Variants in ANK2 observed in about 807,000 individuals in gnomAD.
ANK2 encodes the protein ankyrin-2.
A neutral mutation model predicts 360.5 loss-of-function variants in ANK2; 83 were observed. The observed-to-expected ratio is 0.23, with a 90% CI of 0.19 to 0.28. ANK2 has a LOEUF of 0.28. ANK2 is among the 10% of genes least tolerant of loss of function. The probability of loss-of-function intolerance (pLI) is 1.00; values close to 1 mark genes in which losing one functional copy is unlikely to be tolerated. For synonymous variants in ANK2, 1,740 were observed against 1,759.5 expected (o/e 0.99, Z 0.28); for missense variants, 4,201 against 4,795.7 (o/e 0.88, Z 3.66).
Position 113,341,550 on chromosome 4 carries a change from C to T in ANK2, c.3894-138C>T, listed in dbSNP as rs540664334. On this transcript the variant is annotated intron_variant, in intron 32 of 45. Coordinates refer to ENST00000357077, the MANE Select transcript of ANK2 (RefSeq NM_001148.6). Reference sequence around the variant, plus strand: ...CTTGCTATTTCTTTCCTTTGGCCTTCTCTCATTATCTCCCTCTCTCACTTC... The same window carrying T: ...CTTGCTATTTCTTTCCTTTGGCCTTTTCTCATTATCTCCCTCTCTCACTTC... The T allele has an allele frequency of 1.7e-4, 142 of 819,394 alleles. 2 individuals are homozygous for T. The East Asian group carries it at 3.7e-3, about 22-fold the overall frequency. 50.8% of individuals were successfully genotyped at this position (819,394 alleles called of 1,614,324 possible). A position where few individuals can be genotyped will look rare whatever the true frequency, so the allele number is the denominator to read the frequency against.
chr4:113,042,857 C>G (rs1480232303), intron 2 of ANK2, among the ~76,000 whole-genome samples: 1 of 152,198 alleles, frequency 6.6e-6, no homozygotes, highest in Non-Finnish European at 1.5e-5. Context: ...AAGCCACTTT[C>G]TCTCAGAGAC....
chr4:112,740,816 C>A, the ANK2 span, among the ~76,000 whole-genome samples: 1 of 151,972 alleles, frequency 6.6e-6, no homozygotes, highest in Non-Finnish European at 1.5e-5. Flanking sequence ...ACGGTGAAAC[C>A]CCATCTCTAC....
At chr4:113,114,937 AG>A (rs1446181264) in intron 1 of ANK2, among the ~76,000 whole-genome samples, 1 of 152,212 alleles carries the variant, frequency 6.6e-6, no homozygotes, top group Non-Finnish European at 1.5e-5. Context: ...CATGCTATTA[AG>A]CTAAATGGAC....
At position 113,354,805 on chromosome 4, in the gene ANK2, G is replaced by A; in HGVS notation, c.6187G>A (p.Glu2063Lys). ...GQRLPVTGTA[E>K]SKRGVRVSSI... ...GAGACTCCCGGTAACGGGCACAGCAGAATCCAAAAGAGGAGTTCGTGTTTC... is the reference window on the plus strand; with the variant it reads ...GAGACTCCCGGTAACGGGCACAGCAAAATCCAAAAGAGGAGTTCGTGTTTC... The change falls in exon 38 of 46, where the codon GAA (glutamate) becomes AAA (lysine). Residue 2063 changes from glutamate (E) to lysine (K), a missense_variant. This residue lies in a region of ANK2 where 2,642 missense variants were observed against 2,714.5 expected (regional missense o/e 0.97). Transcript: ENST00000357077. 6.2e-7 allele frequency: 1 copy of A among 1,614,128 alleles called. No homozygotes were observed. Among genetic ancestry groups the A allele is most frequent in the Non-Finnish European group, 8.5e-7 (1 of 1,180,002 alleles).
intron 45 of ANK2, among the ~76,000 whole-genome samples, chr4:113,377,844 G>A (rs905788089): frequency 3.9e-5 from 6 of 152,156 alleles, no homozygotes; most frequent in Admixed American, 2.0e-4. Context: ...GAAATTGAAA[G>A]TCAATCCATA....
intron 23 of ANK2, among the ~76,000 whole-genome samples, chr4:113,310,398 G>A (rs962262566): frequency 7.9e-5 from 12 of 152,120 alleles, no homozygotes; most frequent in African/African-American, 2.9e-4. Context: ...TAGAAGACTG[G>A]GGGAAAGAAA....
the ANK2 span, among the ~76,000 whole-genome samples, chr4:112,719,477 C>T: frequency 3.2e-4 from 49 of 152,052 alleles, no homozygotes; most frequent in African/African-American, 1.0e-3. Context: ...TCCTGTAATC[C>T]CAGCACTTTG....
chr4:113,222,590 A>T (rs1400188012), intron 4 of ANK2, among the ~76,000 whole-genome samples: 2 of 151,970 alleles, frequency 1.3e-5, no homozygotes, highest in Non-Finnish European at 1.5e-5. Flanking sequence ...CTGAGTTTGG[A>T]TCCCTTTAGG....
the ANK2 span, among the ~76,000 whole-genome samples, chr4:112,743,538 C>G: frequency 3.5e-3 from 518 of 147,520 alleles, 3 homozygotes; most frequent in Admixed American, 6.8e-3. Context: ...TTCTGTCTCT[C>G]TCTCTCTTTT....
chr4:113,327,294 A>G lies in ANK2; in HGVS notation c.2901-2952A>G, dbSNP rs555432133. Reference sequence around the variant, plus strand: ...TACTCTCATTTTCTACTAGTCCTCTATCAAAGGAAATCAATGTATTAGGTC... The same window carrying G: ...TACTCTCATTTTCTACTAGTCCTCTGTCAAAGGAAATCAATGTATTAGGTC... On this transcript the variant is annotated intron_variant, in intron 26 of 45. Coordinates refer to ENST00000357077, the MANE Select transcript of ANK2 (RefSeq NM_001148.6). Among the ~76,000 whole-genome samples, 9 of 152,326 alleles carry G rather than the reference A, an allele frequency of 5.9e-5. No homozygotes were observed. The East Asian group carries it at 1.7e-3, about 29-fold the overall frequency.
intron 23 of ANK2, among the ~76,000 whole-genome samples, chr4:113,306,111 T>C (rs1324518798): frequency 6.6e-6 from 1 of 152,198 alleles, no homozygotes; most frequent in Non-Finnish European, 1.5e-5. Flanking sequence ...GATGCCACAG[T>C]GGTCAAAGGT....
At chr4:112,706,990 C>T in the ANK2 span, among the ~76,000 whole-genome samples, 1 of 152,190 alleles carries the variant, frequency 6.6e-6, no homozygotes, top group African/African-American at 2.4e-5. Flanking sequence ...TTGCCAGGAA[C>T]TATAGCACCA....
chr4:112,891,233 C>A (rs1248177445), intron 1 of ANK2, among the ~76,000 whole-genome samples: 1 of 152,162 alleles, frequency 6.6e-6, no homozygotes, highest in African/African-American at 2.4e-5. Flanking sequence ...TCCTCATCTT[C>A]CTTTTTTGTT....
chr4:112,807,737 T>C, the ANK2 span, among the ~76,000 whole-genome samples: 1 of 152,370 alleles, frequency 6.6e-6, no homozygotes, highest in South Asian at 2.1e-4. Context: ...AAAGAAATGC[T>C]GAAAATCCAC....
At chr4:113,295,949 C>A (rs764475229) in intron 22 of ANK2, among the ~76,000 whole-genome samples, 1 of 152,114 alleles carries the variant, frequency 6.6e-6, no homozygotes, top group African/African-American at 2.4e-5. Context: ...TTACAATAAA[C>A]TTCCTCTCTT....
rs753747832 is a variant in ANK2, at chr4:113,367,873, G to A, written c.11318+22G>A. 4.3e-6 allele frequency: 7 copies of A among 1,613,784 alleles called. No individual in the cohort carries two copies. The East Asian group carries it at 1.6e-4, about 36-fold the overall frequency. On this transcript the variant is annotated intron_variant, in intron 42 of 45. Transcript: ENST00000357077. ...ATTTGTGAGTTTCCAAAGAAAGCCT[G>A]TCAAATGTAATACCAAAGAAACAGG...
chr4:113,108,857 G>C (rs28432348), intron 1 of ANK2, among the ~76,000 whole-genome samples: 30,939 of 152,018 alleles, frequency 0.2, 3,244 homozygotes, highest in African/African-American at 0.23. Flanking sequence ...TAATTTGTGA[G>C]AAAAATGTTA....
At chr4:112,981,294 G>A (rs2043045214) in intron 2 of ANK2, among the ~76,000 whole-genome samples, 1 of 152,208 alleles carries the variant, frequency 6.6e-6, no homozygotes, top group Admixed American at 6.5e-5. Context: ...GTTTGAATTG[G>A]TAGGCAATGG....
chr4:113,308,663 T>C (rs1021740947), intron 23 of ANK2, among the ~76,000 whole-genome samples: 2 of 152,180 alleles, frequency 1.3e-5, no homozygotes, highest in African/African-American at 4.8e-5. Context: ...ATTGCTGAAA[T>C]TAGCAAGCAT....
Sources: allele counts gnomAD v4.1 joint callset (sites outside exome capture counted in the v4.1 genomes callset), GRCh38; gene constraint gnomAD v4.1.1; regional missense constraint gnomAD v4.1.1; transcripts MANE v1.5; gene names NCBI Gene and HGNC (gene_info 2026-07-23, HGNC 2026-07-21).